The following C18orf32 variants were observed in gnomAD, a reference collection of about 807,000 sequenced individuals.
The protein encoded by C18orf32 is UPF0729 protein C18orf32.
Under a neutral mutation model 7.4 loss-of-function variants are expected in C18orf32, and 5 were observed. The ratio of observed to expected loss-of-function variants is 0.68; its 90% CI spans 0.35 to 1.42. C18orf32 has a LOEUF of 1.42. Among genes scored for constraint, C18orf32 ranks in the 40% most tolerant of loss-of-function variants. C18orf32 has a pLI of 0.04. For missense variants in C18orf32, 88 were observed against 92.4 expected (o/e 0.95, Z 0.19); for synonymous variants, 30 against 29.3 (o/e 1.02, Z -0.08).
intron 1 of C18orf32, among the ~76,000 whole-genome samples, 190 bp downstream of exon 1, chr18:49,486,853 G>C (rs1347938086): frequency 6.6e-6 from 1 of 152,176 alleles, no homozygotes; most frequent in South Asian, 2.1e-4. Flanking sequence ...CGAGAACAGA[G>C]GCCTAACGGT....
At chr18:49,482,677 A>C (rs1002545990) in intron 2 of C18orf32, among the ~76,000 whole-genome samples, 2 of 151,654 alleles carry the variant, frequency 1.3e-5, no homozygotes, top group African/African-American at 4.8e-5. Context: ...TGGTGAGCCA[A>C]GATTATGCCA....
rs1323136517 is a variant in C18orf32, at chr18:49,487,224, C to A, written c.-205G>T. The A allele has an allele frequency of 6.5e-6, 1 of 153,118 alleles. No homozygotes were observed. The highest frequency in any genetic ancestry group is 1.5e-5 in the Non-Finnish European group (1 of 68,188). The allele number at this position is 153,118 out of a possible 1,614,324, so 9.5% of individuals were successfully genotyped here. A position where few individuals can be genotyped will look rare whatever the true frequency, so the allele number is the denominator to read the frequency against. On this transcript the variant is annotated 5_prime_UTR_variant, in exon 1 of 3. Transcript: ENST00000318240. ...ACACTCACCCGCGACCGCGGAAACGCAGCTGACAATGTCCGCACTTCCGGA... is the reference window on the plus strand; with the variant it reads ...ACACTCACCCGCGACCGCGGAAACGAAGCTGACAATGTCCGCACTTCCGGA...
chr18:49,486,086 T>TTAAAAAA lies in C18orf32; in HGVS notation c.-24+956_-24+957insTTTTTTA, dbSNP rs527819531. On this transcript the variant is annotated intron_variant, in intron 1 of 2. Transcript: ENST00000318240. The stretch of plus-strand genomic sequence containing the variant: ...ACAGAGGCAGACCCTGTCTCAAGAT[T>TTAAAAAA]AAAAAAAAAAAAAAATCCAAAAGTT... 5.0e-4 allele frequency: 68 copies of TTAAAAAA among 134,954 alleles called. 2 individuals are homozygous for TTAAAAAA. In the South Asian group the frequency reaches 0.015, roughly 29 times the overall value. 8.4% of individuals were successfully genotyped at this position (134,954 alleles called of 1,614,324 possible). A position where few individuals can be genotyped will look rare whatever the true frequency, so the allele number is the denominator to read the frequency against.
rs1180721179 is a variant in C18orf32 at position 49,482,253 on chromosome 18, C to A, written c.*92G>T. On this transcript the variant is annotated 3_prime_UTR_variant, in exon 3 of 3. Coordinates refer to ENST00000318240, the MANE Select transcript of C18orf32 (RefSeq NM_001035005.4). ...CTAGACTCCTATCCTGAATTCCGGTCTCAGATAAAAAGGTCAGAGACAATT... is the reference window on the plus strand; with the variant it reads ...CTAGACTCCTATCCTGAATTCCGGTATCAGATAAAAAGGTCAGAGACAATT... 4 of 877,454 alleles carry A rather than the reference C, an allele frequency of 4.6e-6. No individual in the cohort carries two copies. Among genetic ancestry groups the A allele is most frequent in the Non-Finnish European group, 7.6e-6 (4 of 525,022 alleles). 54.4% of individuals were successfully genotyped at this position (877,454 alleles called of 1,614,324 possible).
intron 1 of C18orf32, chr18:49,486,335 TAA>T (rs2083744543): frequency 6.6e-6 from 1 of 152,140 alleles, no homozygotes; most frequent in South Asian, 2.1e-4. Context: ...CCCTCCATCA[TAA>T]AGATTCATTT....
intron 2 of C18orf32, among the ~76,000 whole-genome samples, chr18:49,482,618 TCAGGAGG>T (rs2083675891): frequency 6.6e-6 from 1 of 151,642 alleles, no homozygotes; most frequent in Admixed American, 6.6e-5. Flanking sequence ...TCCCAGCTAC[TCAGGAGG>T]CTGAGGCAGG....
intron 2 of C18orf32, 40 bp downstream of exon 2, chr18:49,483,544 C>A (rs762446233): frequency 1.2e-5 from 18 of 1,537,884 alleles, no homozygotes; most frequent in Non-Finnish European, 1.7e-6. Context: ...AGTACCACCC[C>A]CTTTCACTGC....
Position 49,477,878 on chromosome 18 carries a change from T to A in C18orf32, c.*4467A>T, listed in dbSNP as rs1384613930. 1.4e-5 allele frequency: 2 copies of A among 139,574 alleles called. No homozygotes were observed. Among genetic ancestry groups the A allele is most frequent in the African/African-American group, 5.7e-5 (2 of 34,796 alleles). 8.6% of individuals were successfully genotyped at this position (139,574 alleles called of 1,614,324 possible). A position where few individuals can be genotyped will look rare whatever the true frequency, so the allele number is the denominator to read the frequency against. ...ACTATATATATACACACTATATATA[T>A]ACACTATATATATATACACTATATG... On this transcript the variant is annotated 3_prime_UTR_variant, in exon 3 of 3. Coordinates refer to ENST00000318240, the MANE Select transcript of C18orf32 (RefSeq NM_001035005.4).
In C18orf32 at chr18:49,479,483, T is replaced by G. The variant is rs1004626223; in HGVS notation, c.*2862A>C. ...ACCTGTGCAGTGAGCAATAGTATTC[T>G]CCCAGGCAGTGTCCCAGCAAGCCAG... On this transcript the variant is annotated 3_prime_UTR_variant, in exon 3 of 3. Transcript: ENST00000318240. 9 of 152,336 alleles carry G rather than the reference T, an allele frequency of 5.9e-5. No homozygotes were observed. Among genetic ancestry groups the G allele is most frequent in the African/African-American group, 1.2e-4 (5 of 41,404 alleles). The allele number at this position is 152,336 out of a possible 1,614,324, so 9.4% of individuals were successfully genotyped here. A position where few individuals can be genotyped will look rare whatever the true frequency, so the allele number is the denominator to read the frequency against.
At position 49,480,655 on chromosome 18, in the gene C18orf32, C is replaced by T. The variant is rs1242149270; in HGVS notation, c.*1690G>A. On this transcript the variant is annotated 3_prime_UTR_variant, in exon 3 of 3. Coordinates refer to ENST00000318240, the MANE Select transcript of C18orf32 (RefSeq NM_001035005.4). ...GCATGGTGGTGTGCACCTGTAGTCC[C>T]AGCTACTTGAGAGGCTAAGGTGAGA... 1.3e-5 allele frequency: 2 copies of T among 152,088 alleles called. No homozygotes were observed. Among genetic ancestry groups the T allele is most frequent in the Non-Finnish European group, 2.9e-5 (2 of 68,076 alleles). 9.4% of individuals were successfully genotyped at this position (152,088 alleles called of 1,614,324 possible).
Position 49,477,769 on chromosome 18 carries a change from C to T in C18orf32, c.*4576G>A, listed in dbSNP as rs572352556. 1 of 143,538 alleles carries T rather than the reference C, an allele frequency of 7.0e-6. No individual in the cohort carries two copies. The highest frequency in any genetic ancestry group is 7.2e-5 in the Admixed American group (1 of 13,936). 8.9% of individuals were successfully genotyped at this position (143,538 alleles called of 1,614,324 possible). ...CAGCCTGGGCAACAAGAGCGAAACT[C>T]CATCTTCCAAAAACAAACAAACAAA... On this transcript the variant is annotated 3_prime_UTR_variant, in exon 3 of 3. Coordinates refer to ENST00000318240, the MANE Select transcript of C18orf32 (RefSeq NM_001035005.4).
chr18:49,484,605 G>C (rs1410806211), intron 1 of C18orf32: 1 of 151,796 alleles, frequency 6.6e-6, no homozygotes, highest in South Asian at 2.1e-4. Context: ...AGAAATAATA[G>C]GTGGTAGGCA....
Position 49,483,680 on chromosome 18 carries a change from A to G in C18orf32, c.69T>C (p.Tyr23=), listed in dbSNP as rs751544895. The G allele has an allele frequency of 1.5e-5, 24 of 1,613,830 alleles. No homozygotes were observed. In the Admixed American group the frequency reaches 2.7e-4, roughly 18 times the overall value. Residue 23 remains tyrosine, a synonymous_variant, in exon 2 of 3, where the codon TAT becomes TAC. Transcript: ENST00000318240. The part of the protein sequence containing the change: ...LWIYKKFLEP[Y]IYPLVSPFVS... ...CGAAGGGGGAAACCAGAGGGTATAT[A>G]TATGGCTCCAGGAATTTTTTGTAGA...
rs955341081 is a variant in C18orf32, at chr18:49,483,877, C to T, written c.-23-106G>A. On this transcript the variant is annotated intron_variant, in intron 1 of 2. Transcript: ENST00000318240. ...AGGGGATAGATGTGGTGGCTCACGC[C>T]TGTAATCCCAGCACTTTGGGAGGCA... is the stretch of plus-strand genomic sequence containing the variant. 25 of 1,338,298 alleles carry T rather than the reference C, an allele frequency of 1.9e-5. No homozygotes were observed. The South Asian group carries it at 3.0e-4, about 16-fold the overall frequency. 82.9% of individuals were successfully genotyped at this position (1,338,298 alleles called of 1,614,324 possible). A position where few individuals can be genotyped will look rare whatever the true frequency, so the allele number is the denominator to read the frequency against.
At position 49,477,264 on chromosome 18, in the gene C18orf32, T is replaced by C. The variant is rs2083627762; in HGVS notation, c.*5081A>G. On this transcript the variant is annotated 3_prime_UTR_variant, in exon 3 of 3. Coordinates refer to ENST00000318240, the MANE Select transcript of C18orf32 (RefSeq NM_001035005.4). ...GATACAAGGTTAGCAAAATTAACTT[T>C]ATTATTATTTATTTGAAACGGGGTA... 6.7e-6 allele frequency: 1 copy of C among 149,992 alleles called. No individual in the cohort carries two copies. The highest frequency in any genetic ancestry group is 1.5e-5 in the Non-Finnish European group (1 of 68,022). 9.3% of individuals were successfully genotyped at this position (149,992 alleles called of 1,614,324 possible).
At chr18:49,482,987 C>G (rs2083683501) in intron 2 of C18orf32, among the ~76,000 whole-genome samples, 1 of 151,986 alleles carries the variant, frequency 6.6e-6, no homozygotes, top group Non-Finnish European at 1.5e-5. Flanking sequence ...TTAGTAGAAA[C>G]AGGATTTCAC....
intron 1 of C18orf32, among the ~76,000 whole-genome samples, chr18:49,484,201 C>T (rs8098182): frequency 0.044 from 5,223 of 117,802 alleles, 218 homozygotes; most frequent in South Asian, 0.11. Flanking sequence ...CACACACACA[C>T]GAAAGGACTA....
In C18orf32 at chr18:49,477,412, C is replaced by A. The variant is rs1020125822; in HGVS notation, c.*4933G>T. The stretch of plus-strand genomic sequence containing the variant: ...AAACTTTAAAACAAGTTCACACATA[C>A]TGATTAATCTAAACTCACCCTCTCC... On this transcript the variant is annotated 3_prime_UTR_variant, in exon 3 of 3. Coordinates refer to ENST00000318240, the MANE Select transcript of C18orf32 (RefSeq NM_001035005.4). The A allele has an allele frequency of 6.7e-6, 1 of 150,256 alleles. No homozygotes were observed. Among genetic ancestry groups the A allele is most frequent in the Non-Finnish European group, 1.5e-5 (1 of 68,052 alleles). 9.3% of individuals were successfully genotyped at this position (150,256 alleles called of 1,614,324 possible).
intron 2 of C18orf32, among the ~76,000 whole-genome samples, chr18:49,483,289 C>T (rs933799691): frequency 2.0e-5 from 3 of 152,012 alleles, no homozygotes; most frequent in Non-Finnish European, 4.4e-5. Flanking sequence ...TATGATCCTT[C>T]TAATTAAATC....
Sources: allele counts gnomAD v4.1 joint callset (sites outside exome capture counted in the v4.1 genomes callset), GRCh38; gene constraint gnomAD v4.1.1; transcripts MANE v1.5; gene names NCBI Gene and HGNC (gene_info 2026-07-23, HGNC 2026-07-21).